SARS1: variants seen among roughly 807,000 people sequenced by gnomAD.
SARS1 encodes seryl-tRNA synthetase 1.
SARS1 carries 25 observed loss-of-function variants against 63.7 expected under a neutral mutation model. The ratio of observed to expected loss-of-function variants is 0.39; its 90% CI spans 0.29 to 0.55. SARS1 has a LOEUF of 0.55. SARS1 is among the 20% of genes least tolerant of loss of function. SARS1 has a pLI of 0.62. For missense variants in SARS1, 417 were observed against 649.7 expected (o/e 0.64, Z 3.89); for synonymous variants, 231 against 243.5 (o/e 0.95, Z 0.48).
intron 5 of SARS1, chr1:109,231,376 G>A (rs950023635): frequency 6.1e-6 from 2 of 326,856 alleles, no homozygotes; most frequent in Non-Finnish European, 1.1e-5. Context: ...TGTGGTTTGT[G>A]TAGGCCCAAA....
chr1:109,218,117 C>T (rs556677229), intron 1 of SARS1, among the ~76,000 whole-genome samples: 247 of 149,934 alleles, frequency 1.6e-3, no homozygotes, highest in Non-Finnish European at 2.8e-3. Context: ...GGCGTGAACC[C>T]GGGAGGCAGA....
At chr1:109,236,168 G>C (rs1655303599) in intron 8 of SARS1, 62 bp downstream of exon 8, 2 of 1,556,428 alleles carry the variant, frequency 1.3e-6, no homozygotes, top group South Asian at 2.4e-5. Context: ...ACCCTTACCA[G>C]CTGAGCTGCC....
In SARS1 at chr1:109,237,091, A is replaced by C; in HGVS notation, c.1258-153A>C. 1 of 1,298,708 alleles carries C rather than the reference A, an allele frequency of 7.7e-7. No homozygotes were observed. Among genetic ancestry groups the C allele is most frequent in the Non-Finnish European group, 1.0e-6 (1 of 958,930 alleles). The allele number at this position is 1,298,708 out of a possible 1,614,324, so 80.4% of individuals were successfully genotyped here. ...ATAGGCAATAAATACCAAATAATTCAAATTTAGAAAAAAGTTGCTAAGGGG... is the reference window on the plus strand; with the variant it reads ...ATAGGCAATAAATACCAAATAATTCCAATTTAGAAAAAAGTTGCTAAGGGG... On this transcript the variant is annotated intron_variant, in intron 9 of 10. Transcript: ENST00000234677. This position sits in a 1 kb window ranked among gnomAD's most constrained non-coding sequence, Gnocchi z 4.1.
Position 109,237,174 on chromosome 1 carries a change from G to C in SARS1, c.1258-70G>C. The C allele has an allele frequency of 1.3e-6, 2 of 1,549,054 alleles. No homozygotes were observed. Among genetic ancestry groups the C allele is most frequent in the Non-Finnish European group, 1.7e-6 (2 of 1,151,906 alleles). ...GTTGGGGAAGTCTGGTTGAATGGAT[G>C]GTTCCTGGCCGTCAGTAAGACCCGA... On this transcript the variant is annotated intron_variant, in intron 9 of 10. Coordinates refer to ENST00000234677, the MANE Select transcript of SARS1 (RefSeq NM_006513.4). This position sits in a 1 kb window ranked among gnomAD's most constrained non-coding sequence, Gnocchi z 4.1.
In SARS1 at chr1:109,237,043, A is replaced by G. The variant is rs41279698; in HGVS notation, c.1258-201A>G. 1 of 1,243,642 alleles carries G rather than the reference A, an allele frequency of 8.0e-7. No individual in the cohort carries two copies. Among genetic ancestry groups the G allele is most frequent in the African/African-American group, 1.5e-5 (1 of 65,736 alleles). 77.0% of individuals were successfully genotyped at this position (1,243,642 alleles called of 1,614,324 possible). A position where few individuals can be genotyped will look rare whatever the true frequency, so the allele number is the denominator to read the frequency against. On this transcript the variant is annotated intron_variant, in intron 9 of 10. Transcript: ENST00000234677. The surrounding 1 kb of genome is among the most constrained non-coding windows in gnomAD (Gnocchi z 4.1). The stretch of plus-strand genomic sequence containing the variant: ...ACCACTTGTCACTCATCGAAACATG[A>G]GGGATCTTTCTGCAGTTATCTAATA...
At chr1:109,227,366 T>C (rs1655112953) in intron 2 of SARS1, among the ~76,000 whole-genome samples, 1 of 152,176 alleles carries the variant, frequency 6.6e-6, no homozygotes. Context: ...GTGCAAGGAT[T>C]ACAAATGATG....
At chr1:109,231,571 C>T (rs924572852) in intron 5 of SARS1, 60 bp from the exon 6 acceptor site, 9 of 1,339,568 alleles carry the variant, frequency 6.7e-6, no homozygotes, top group East Asian at 5.6e-5. Flanking sequence ...GGTGTCAGTT[C>T]TAGCTGAACA....
intron 1 of SARS1, among the ~76,000 whole-genome samples, chr1:109,222,087 T>A (rs1000606118): frequency 7.3e-6 from 1 of 137,928 alleles, no homozygotes; most frequent in South Asian, 2.5e-4. Flanking sequence ...TGGTCTCGAA[T>A]TCCTGGGCTC....
At chr1:109,218,240 G>T (rs568500098) in intron 1 of SARS1, among the ~76,000 whole-genome samples, 1 of 144,356 alleles carries the variant, frequency 6.9e-6, no homozygotes, top group African/African-American at 2.6e-5. Flanking sequence ...GGTGGCGGGC[G>T]CCTGTAATCC....
At position 109,235,441 on chromosome 1, in the gene SARS1, T is replaced by A; in HGVS notation, c.969+10T>A. ...CCATCAGTTTGAGAAGGTGAGTAGA[T>A]GGGTCAGGGTAAGGAGTGGAACTTT... On this transcript the variant is annotated intron_variant, in intron 7 of 10. Transcript: ENST00000234677. This position sits in a 1 kb window ranked among gnomAD's most constrained non-coding sequence, Gnocchi z 4.7. 6.2e-7 allele frequency: 1 copy of A among 1,605,512 alleles called. No individual in the cohort carries two copies. The highest frequency in any genetic ancestry group is 8.5e-7 in the Non-Finnish European group (1 of 1,175,942).
Position 109,236,084 on chromosome 1 carries a change from C to A in SARS1, c.1077C>A (p.Tyr359Ter). Reference protein sequence around the residue: ...EEFYQSLGIPYHIVNIVSGSL... With the variant: ...EEFYQSLGIP Reference sequence around the variant, plus strand: ...TCTACCAGTCCCTGGGGATTCCTTACCACATTGTGAATATTGTCTCAGGTA... The same window carrying A: ...TCTACCAGTCCCTGGGGATTCCTTAACACATTGTGAATATTGTCTCAGGTA... Residue 359 changes from tyrosine to a stop codon, truncating the protein, a stop_gained, in exon 8 of 11, where the codon TAC becomes TAA. Coordinates refer to ENST00000234677, the MANE Select transcript of SARS1 (RefSeq NM_006513.4). LOFTEE classifies it high-confidence loss of function. The A allele has an allele frequency of 6.2e-7, 1 of 1,613,854 alleles. No individual in the cohort carries two copies. The highest frequency in any genetic ancestry group is 8.5e-7 in the Non-Finnish European group (1 of 1,179,866).
chr1:109,236,523 G>C lies in SARS1; in HGVS notation c.1232G>C (p.Gly411Ala). Residue 411 changes from glycine to alanine, a missense_variant, in exon 9 of 11, where the codon GGG becomes GCG. Physicochemically the swap from Gly to Ala is moderately conservative, Grantham distance 60. This residue lies in a region of SARS1 where 359 missense variants were observed against 529.6 expected (regional missense o/e 0.68). Coordinates refer to ENST00000234677, the MANE Select transcript of SARS1 (RefSeq NM_006513.4). ...YQARRLRIRYGQTKKMMDKVE... is the reference protein window; with the variant it reads ...YQARRLRIRYAQTKKMMDKVE... The stretch of plus-strand genomic sequence containing the variant: ...GCTCGCCGGCTTCGAATCCGATATG[G>C]GCAAACCAAGAAGATGATGGACAAG... 6.2e-7 allele frequency: 1 copy of C among 1,604,934 alleles called. No individual in the cohort carries two copies. The highest frequency in any genetic ancestry group is 8.5e-7 in the Non-Finnish European group (1 of 1,172,324).
In SARS1 at chr1:109,228,333, G is replaced by T. The variant is rs1553177900; in HGVS notation, c.208-19G>T. 1.3e-6 allele frequency: 2 copies of T among 1,589,328 alleles called. No individual in the cohort carries two copies. The highest frequency in any genetic ancestry group is 1.1e-5 in the South Asian group (1 of 88,572). On this transcript the variant is annotated intron_variant, in intron 2 of 10. Coordinates refer to ENST00000234677, the MANE Select transcript of SARS1 (RefSeq NM_006513.4). ...ATTTTCTTTTATTTATTTGTGTTGG[G>T]TTTTTTTCCTTCCTGCAGAAAAAAG...
chr1:109,215,668 A>C (rs552649309), intron 1 of SARS1: 1 of 951,292 alleles, frequency 1.1e-6, no homozygotes, highest in Non-Finnish European at 1.3e-6. Context: ...GTTTTAAAAA[A>C]CTTAATCCTA....
In SARS1 at chr1:109,229,137, A is replaced by G. The variant is rs553750197; in HGVS notation, c.289-277A>G. Among the ~76,000 whole-genome samples, 3 of 152,302 alleles carry G rather than the reference A, an allele frequency of 2.0e-5. No homozygotes were observed. In the South Asian group the frequency reaches 6.2e-4, roughly 32 times the overall value. On this transcript the variant is annotated intron_variant, in intron 3 of 10. Transcript: ENST00000234677. ...TCTCATAAGAGAGCGGCAGTACTTA[A>G]ATTTCTGCAATGTATGGGAACAATA...
intron 1 of SARS1, among the ~76,000 whole-genome samples, chr1:109,218,348 C>G (rs1370757225): frequency 8.4e-6 from 1 of 118,890 alleles, no homozygotes; most frequent in African/African-American, 3.1e-5. Flanking sequence ...GCCTGGGGGA[C>G]AAGGTGAGAC....
At chr1:109,231,066 A>G in intron 5 of SARS1, 45 bp downstream of exon 5, 2 of 1,071,310 alleles carry the variant, frequency 1.9e-6, no homozygotes, top group Non-Finnish European at 2.3e-6. Context: ...AAAAAGAAAC[A>G]AAATATATAT....
intron 2 of SARS1, among the ~76,000 whole-genome samples, chr1:109,224,569 C>A (rs567296780): frequency 6.6e-6 from 1 of 151,796 alleles, no homozygotes; most frequent in East Asian, 1.9e-4. Flanking sequence ...ATGGATAGAA[C>A]TAAATTTCTT....
At chr1:109,215,535 A>G (rs868623972) in intron 1 of SARS1, 2 of 985,220 alleles carry the variant, frequency 2.0e-6, no homozygotes, top group Middle Eastern at 5.2e-4. Context: ...AAATCCCAGT[A>G]CCTAGCACTG....
Sources: allele counts gnomAD v4.1 joint callset (sites outside exome capture counted in the v4.1 genomes callset), GRCh38; gene constraint gnomAD v4.1.1; regional missense constraint gnomAD v4.1.1; non-coding constraint Gnocchi (gnomAD v3.1); transcripts MANE v1.5; gene names NCBI Gene and HGNC (gene_info 2026-07-23, HGNC 2026-07-21).